The following DOCK3 variants were observed in gnomAD, a reference collection of about 807,000 sequenced individuals.
DOCK3 encodes dedicator of cytokinesis protein 3.
Under a neutral mutation model 265.6 loss-of-function variants are expected in DOCK3, and 60 were observed. The observed-to-expected ratio is 0.23, with a 90% CI of 0.18 to 0.28. The LOEUF (loss-of-function observed/expected upper bound fraction) is 0.28. DOCK3 is among the 10% of genes least tolerant of loss of function. The pLI, the probability that DOCK3 is intolerant of heterozygous loss-of-function variation, is 1.00. For synonymous variants in DOCK3, 881 were observed against 938.0 expected, an observed-to-expected ratio of 0.94 and a Z score of 1.11; for missense variants, 1,981 against 2,594.3, an observed-to-expected ratio of 0.76 and a Z score of 5.14.
At position 51,006,168 on chromosome 3, in the gene DOCK3, C is replaced by T. The variant is rs76442143; in HGVS notation, c.316-58280C>T. ...ATTCTGTCTCCCTCATGTCTCTGCT[C>T]GTGTTACAGTCTCAGCCAGTCTCCT... On this transcript the variant is annotated intron_variant, in intron 5 of 52. Transcript: ENST00000266037. 7.4e-3 allele frequency among the ~76,000 whole-genome samples: 1,132 copies of T among 152,026 alleles called. 128 individuals carry two copies. The East Asian group carries it at 0.19, about 26-fold the overall frequency.
chr3:50,736,804 C>G (rs185434127), intron 1 of DOCK3, among the ~76,000 whole-genome samples: 1,950 of 150,598 alleles, frequency 0.013, 26 homozygotes, highest in Non-Finnish European at 0.022. Context: ...TCATGCCATT[C>G]TCCTGCCTCA....
chr3:51,040,822 A>C (rs1209609262), intron 5 of DOCK3, among the ~76,000 whole-genome samples: 1 of 152,148 alleles, frequency 6.6e-6, no homozygotes, highest in Non-Finnish European at 1.5e-5. Context: ...TCCTTTGCTC[A>C]TCCATAAAAT....
chr3:51,112,712 A>G (rs2083572959), intron 9 of DOCK3, among the ~76,000 whole-genome samples: 1 of 152,212 alleles, frequency 6.6e-6, no homozygotes, highest in Non-Finnish European at 1.5e-5. Flanking sequence ...CATTAGCCAC[A>G]GGAGGGTATG....
At chr3:50,918,402 C>T (rs2050248537) in intron 4 of DOCK3, among the ~76,000 whole-genome samples, 1 of 152,152 alleles carries the variant, frequency 6.6e-6, no homozygotes, top group South Asian at 2.1e-4. Context: ...CCTATTTCTC[C>T]ACATCCTCTC....
chr3:51,346,940 T>C (rs950899509), intron 38 of DOCK3, among the ~76,000 whole-genome samples: 3 of 152,252 alleles, frequency 2.0e-5, no homozygotes, highest in Non-Finnish European at 4.4e-5. Context: ...ATGTCTTCTT[T>C]TGAGAAGTGT....
chr3:51,284,553 A>ACACCCCTTT (rs1284636792), intron 27 of DOCK3, among the ~76,000 whole-genome samples: 2 of 152,210 alleles, frequency 1.3e-5, no homozygotes, highest in African/African-American at 4.8e-5. Flanking sequence ...AGTGCAGAAA[A>ACACCCCTTT]GGGGCAGGAA....
At chr3:50,985,046 A>G (rs1225086729) in intron 5 of DOCK3, among the ~76,000 whole-genome samples, 1 of 152,192 alleles carries the variant, frequency 6.6e-6, no homozygotes, top group East Asian at 1.9e-4. Flanking sequence ...TACCCATGTA[A>G]ATACACTTAC....
intron 3 of DOCK3, chr3:50,877,257 T>A (rs1185284556): frequency 5.8e-6 from 2 of 344,596 alleles, no homozygotes; most frequent in African/African-American, 4.3e-5. Context: ...ACCCTTTTTA[T>A]TCTTTCTTTG....
chr3:51,149,105 A>G (rs539105405), intron 10 of DOCK3, among the ~76,000 whole-genome samples: 21 of 152,028 alleles, frequency 1.4e-4, no homozygotes, highest in African/African-American at 3.4e-4. Flanking sequence ...CTTTGTAGCA[A>G]TTGTGAATGG....
At chr3:51,130,419 A>G (rs2084473856) in intron 9 of DOCK3, among the ~76,000 whole-genome samples, 1 of 152,234 alleles carries the variant, frequency 6.6e-6, no homozygotes, top group Non-Finnish European at 1.5e-5. Context: ...AATGGAGGAA[A>G]AGGCATTTGC....
At chr3:50,979,300 T>C (rs1185996267) in intron 5 of DOCK3, among the ~76,000 whole-genome samples, 1 of 152,202 alleles carries the variant, frequency 6.6e-6, no homozygotes, top group Admixed American at 6.5e-5. Flanking sequence ...GTAGCTATTG[T>C]AAATGGGATT....
intron 5 of DOCK3, among the ~76,000 whole-genome samples, chr3:50,946,094 T>TAAAA (rs35670695): frequency 7.6e-5 from 7 of 91,728 alleles, no homozygotes; most frequent in South Asian, 5.0e-4. Context: ...CCCCATCTCT[T>TAAAA]AAAAAAAAAA....
intron 5 of DOCK3, among the ~76,000 whole-genome samples, chr3:51,022,676 C>T (rs968348479): frequency 6.6e-6 from 1 of 152,042 alleles, no homozygotes; most frequent in Admixed American, 6.5e-5. Context: ...TTCTTGTTTA[C>T]TCTGTTGATT....
intron 1 of DOCK3, among the ~76,000 whole-genome samples, chr3:50,738,123 T>C (rs991602888): frequency 3.9e-5 from 6 of 152,118 alleles, no homozygotes; most frequent in Non-Finnish European, 7.4e-5. Flanking sequence ...CTTGATGATA[T>C]AGTCGTTGGG....
intron 2 of DOCK3, chr3:50,788,123 G>T: frequency 1.3e-6 from 1 of 760,398 alleles, no homozygotes; most frequent in South Asian, 1.9e-5. Context: ...AGGACTTCCT[G>T]GTTCCCTTTG....
intron 1 of DOCK3, among the ~76,000 whole-genome samples, chr3:50,739,253 TA>T (rs1189938708): frequency 6.6e-6 from 1 of 152,170 alleles, no homozygotes; most frequent in East Asian, 1.9e-4. Flanking sequence ...GGCATTGCAT[TA>T]AATTAAGTTT....
chr3:51,196,768 CATT>C (rs2088324328), intron 12 of DOCK3, among the ~76,000 whole-genome samples: 1 of 152,180 alleles, frequency 6.6e-6, no homozygotes, highest in African/African-American at 2.4e-5. Flanking sequence ...GTAAATTTCT[CATT>C]CATATCCTGA....
intron 32 of DOCK3, among the ~76,000 whole-genome samples, chr3:51,326,639 G>C (rs1228748390): frequency 7.0e-6 from 1 of 143,560 alleles, no homozygotes; most frequent in Admixed American, 7.1e-5. Flanking sequence ...TTGTTGTTTT[G>C]AGATGGAGTT....
chr3:51,135,530 C>T (rs1027199801), intron 9 of DOCK3, among the ~76,000 whole-genome samples: 12 of 152,098 alleles, frequency 7.9e-5, no homozygotes, highest in East Asian at 1.9e-4. Flanking sequence ...GGACTGTCTC[C>T]GGGAATCCTT....
Sources: allele counts gnomAD v4.1 joint callset (sites outside exome capture counted in the v4.1 genomes callset), GRCh38; gene constraint gnomAD v4.1.1; transcripts MANE v1.5; gene names NCBI Gene and HGNC (gene_info 2026-07-23, HGNC 2026-07-21).